The following USH2A variants were observed in gnomAD, a reference collection of about 807,000 sequenced individuals.
USH2A encodes usherin.
In USH2A, 443 loss-of-function variants were observed where a neutral mutation model predicts 538.9. The ratio of observed to expected loss-of-function variants is 0.82; its 90% CI spans 0.76 to 0.89. The LOEUF (loss-of-function observed/expected upper bound fraction) is 0.89, where lower values mean the gene tolerates loss of function less well. Among genes scored for constraint, USH2A ranks in the 40% least tolerant of loss-of-function variants. The probability of loss-of-function intolerance (pLI) is 0.00; values close to 1 mark genes in which losing one functional copy is unlikely to be tolerated. For synonymous variants in USH2A, 2,413 were observed against 2,273.5 expected, an observed-to-expected ratio of 1.06 and a Z score of -1.75; for missense variants, 6,633 against 6,324.8, an observed-to-expected ratio of 1.05 and a Z score of -1.65.
Position 216,422,092 on chromosome 1 carries a change from C to G in USH2A, c.245G>C (p.Arg82Pro), listed in dbSNP as rs1373263514. Residue 82 changes from arginine to proline, a missense_variant, in exon 2 of 72, where the codon CGG becomes CCG. Arg to Pro is a moderately radical substitution (Grantham distance 103). Transcript: ENST00000307340. ...GTATGGGCAATCCTGAATACAAAACCGCTGGGTACAGAACTGAATACTTTC... is the reference window on the plus strand; with the variant it reads ...GTATGGGCAATCCTGAATACAAAACGGCTGGGTACAGAACTGAATACTTTC... ...AAESIQFCTQ[R>P]FCIQDCPYRS... is the part of the protein sequence containing the mutation. 6.2e-7 allele frequency: 1 copy of G among 1,613,628 alleles called. No individual in the cohort carries two copies. The highest frequency in any genetic ancestry group is 1.3e-5 in the African/African-American group (1 of 74,862).
intron 11 of USH2A, among the ~76,000 whole-genome samples, chr1:216,289,057 T>G (rs1038248442): frequency 3.3e-5 from 5 of 152,114 alleles, no homozygotes; most frequent in African/African-American, 1.2e-4. Context: ...TTTGTAAAAT[T>G]AAAACTAAAA....
At position 215,650,666 on chromosome 1, in the gene USH2A, C is replaced by T. The variant is rs1455302915; in HGVS notation, c.14269G>A (p.Ala4757Thr). 1 of 1,613,966 alleles carries T rather than the reference C, an allele frequency of 6.2e-7. No individual in the cohort carries two copies. The highest frequency in any genetic ancestry group is 2.2e-5 in the East Asian group (1 of 44,864). Residue 4757 changes from alanine to threonine, a missense_variant, in exon 65 of 72, where the codon GCC (alanine) becomes ACC (threonine). Physicochemically the swap from Ala to Thr is moderately conservative, Grantham distance 58. Coordinates refer to ENST00000307340, the MANE Select transcript of USH2A (RefSeq NM_206933.4). ...SSTQAVVNISAPGKPNGIVSL... is the reference protein window; with the variant it reads ...SSTQAVVNISTPGKPNGIVSL... ...ACGATCCCGTTGGGCTTCCCAGGGGCACTGATGTTGACCACTGCTTGGGTA... is the reference window on the plus strand; with the variant it reads ...ACGATCCCGTTGGGCTTCCCAGGGGTACTGATGTTGACCACTGCTTGGGTA...
intron 47 of USH2A, among the ~76,000 whole-genome samples, chr1:215,820,821 A>G (rs1026042395): frequency 1.3e-4 from 19 of 151,792 alleles, no homozygotes; most frequent in African/African-American, 4.6e-4. Flanking sequence ...TCTCCCACAT[A>G]TGAAAGAGAA....
chr1:215,907,866 T>C (rs1415026919), intron 38 of USH2A, among the ~76,000 whole-genome samples: 1 of 151,236 alleles, frequency 6.6e-6, no homozygotes, highest in East Asian at 1.9e-4. Context: ...GATGGATGAG[T>C]TGATGGGGGA....
chr1:215,770,586 G>T (rs531800104), intron 55 of USH2A, among the ~76,000 whole-genome samples: 1 of 152,188 alleles, frequency 6.6e-6, no homozygotes, highest in Admixed American at 6.5e-5. Flanking sequence ...GAGAATTGCA[G>T]TTATTTTCAA....
At chr1:215,761,735 C>T (rs768965441) in intron 56 of USH2A, among the ~76,000 whole-genome samples, 1 of 152,142 alleles carries the variant, frequency 6.6e-6, no homozygotes, top group Non-Finnish European at 1.5e-5. Context: ...CAATGTCAAA[C>T]ATTCAAGTAC....
intron 50 of USH2A, among the ~76,000 whole-genome samples, chr1:215,792,397 C>A (rs1396509076): frequency 6.6e-6 from 1 of 152,172 alleles, no homozygotes; most frequent in Non-Finnish European, 1.5e-5. Context: ...TAAACCATTA[C>A]TTCTTTAATT....
intron 61 of USH2A, among the ~76,000 whole-genome samples, chr1:215,698,875 GT>G: frequency 6.6e-6 from 1 of 152,266 alleles, no homozygotes. Flanking sequence ...TGCTTTTGGT[GT>G]TTTAGTCATA....
At chr1:215,918,899 G>T (rs1666028450) in intron 38 of USH2A, among the ~76,000 whole-genome samples, 1 of 152,058 alleles carries the variant, frequency 6.6e-6, no homozygotes, top group African/African-American at 2.4e-5. Context: ...ATTGGCATCA[G>T]AAAGCATATG....
At chr1:216,421,461 G>C (rs2039675271) in intron 2 of USH2A, among the ~76,000 whole-genome samples, 1 of 152,106 alleles carries the variant, frequency 6.6e-6, no homozygotes, top group Non-Finnish European at 1.5e-5. Flanking sequence ...TTATACCCTA[G>C]TAAGGAAATG....
intron 3 of USH2A, among the ~76,000 whole-genome samples, chr1:216,392,421 G>A (rs2102748155): frequency 6.7e-6 from 1 of 149,710 alleles, no homozygotes; most frequent in South Asian, 2.1e-4. Context: ...GACCCCAAGA[G>A]GCAGAGCTTG....
intron 21 of USH2A, among the ~76,000 whole-genome samples, chr1:216,105,116 T>C (rs2032699231): frequency 6.6e-6 from 1 of 152,084 alleles, no homozygotes; most frequent in Non-Finnish European, 1.5e-5. Context: ...TGAGATACCA[T>C]CTCACATCAG....
In USH2A at chr1:215,970,606, T is replaced by C. The variant is rs6689120; in HGVS notation, c.6957+19A>G. The C allele has an allele frequency of 0.096, 154,096 of 1,613,192 alleles. 7,916 individuals are homozygous for C. Among genetic ancestry groups the C allele is most frequent in the African/African-American group, 0.12 (8,741 of 74,972 alleles). ...TCTGACATTTAACACATTCCTAGAA[T>C]GTAAATTTAGATACTCACCAGTGGG... On this transcript the variant is annotated intron_variant, in intron 36 of 71. Transcript: ENST00000307340.
At chr1:215,679,205 C>A (rs150022936) in intron 62 of USH2A, among the ~76,000 whole-genome samples, 1 of 152,198 alleles carries the variant, frequency 6.6e-6, no homozygotes, top group Non-Finnish European at 1.5e-5. Flanking sequence ...TATTGCTGCA[C>A]GTAATTTCCT....
chr1:215,758,143 G>A (rs951361398), intron 58 of USH2A, among the ~76,000 whole-genome samples: 5 of 151,964 alleles, frequency 3.3e-5, no homozygotes, highest in East Asian at 1.9e-4. Context: ...AAAATTAGCC[G>A]GGCATGGTGG....
rs796610671 is a variant in USH2A at position 215,674,505 on chromosome 1, T to C, written c.13406A>G (p.Asn4469Ser). Residue 4469 changes from asparagine to serine, a missense_variant, in exon 63 of 72, where the codon AAC becomes AGC. Asn to Ser is a conservative substitution (Grantham distance 46). Transcript: ENST00000307340. Reference protein sequence around the residue: ...SIEITWKPPRNPNGQIRSYEL... With the variant: ...SIEITWKPPRSPNGQIRSYEL... The stretch of plus-strand genomic sequence containing the variant: ...ATAACTTCTGATCTGGCCATTTGGG[T>C]TTCTTGGAGGTTTCCAGGTGATTTC... 8.1e-6 allele frequency: 13 copies of C among 1,614,036 alleles called. No homozygotes were observed. The African/African-American group carries it at 1.6e-4, about 20-fold the overall frequency.
At chr1:216,306,366 G>T (rs2037317260) in intron 9 of USH2A, among the ~76,000 whole-genome samples, 1 of 152,084 alleles carries the variant, frequency 6.6e-6, no homozygotes, top group East Asian at 1.9e-4. Flanking sequence ...AATTATGATT[G>T]CTTCTTATTT....
chr1:215,947,770 TA>T (rs1460727974), intron 37 of USH2A, among the ~76,000 whole-genome samples: 1 of 152,214 alleles, frequency 6.6e-6, no homozygotes, highest in Admixed American at 6.5e-5. Flanking sequence ...TCCGCTGGCA[TA>T]AAAAAGCTTT....
chr1:216,100,548 A>G (rs909571605), intron 21 of USH2A, among the ~76,000 whole-genome samples: 3 of 152,276 alleles, frequency 2.0e-5, no homozygotes, highest in Middle Eastern at 3.4e-3. Context: ...ACCTATTCCT[A>G]TAAAATTACT....
Sources: gnomAD v4.1 joint callset for allele counts (sites outside exome capture counted in the v4.1 genomes callset) on GRCh38, gnomAD v4.1.1 for gene constraint, MANE v1.5 for transcripts, NCBI Gene and HGNC (gene_info 2026-07-23, HGNC 2026-07-21) for gene names.